The following KCND3 variants were observed in gnomAD, a reference collection of about 807,000 sequenced individuals.
The protein encoded by KCND3 is A-type voltage-gated potassium channel KCND3.
KCND3 carries 9 observed loss-of-function variants against 51.1 expected under a neutral mutation model. The observed-to-expected ratio is 0.18, with a 90% CI of 0.11 to 0.31. KCND3 has a LOEUF of 0.31. KCND3 is among the 10% of genes least tolerant of loss of function. KCND3 has a pLI of 1.00. For synonymous variants in KCND3, 349 were observed against 368.0 expected, an observed-to-expected ratio of 0.95 and a Z score of 0.59; for missense variants, 526 against 903.8, an observed-to-expected ratio of 0.58 and a Z score of 5.36.
At chr1:111,969,806 G>A (rs928159417) in intron 2 of KCND3, among the ~76,000 whole-genome samples, 12 of 151,978 alleles carry the variant, frequency 7.9e-5, no homozygotes, top group African/African-American at 2.4e-4. Flanking sequence ...CTATTAAATC[G>A]TCATCTCTGT....
chr1:111,967,106 C>A (rs3008539), intron 2 of KCND3, among the ~76,000 whole-genome samples: 62,940 of 147,894 alleles, frequency 0.43, 13,355 homozygotes, highest in Admixed American at 0.46. Context: ...CGCCATTGCA[C>A]TTCAGCTTGG....
chr1:111,839,769 T>A (rs1387619555), intron 2 of KCND3, among the ~76,000 whole-genome samples: 1 of 152,232 alleles, frequency 6.6e-6, no homozygotes, highest in African/African-American at 2.4e-5. Context: ...CTTGGTGAGG[T>A]TAAAGAACTT....
In KCND3 at chr1:111,780,143, C is replaced by A; in HGVS notation, c.1461+82G>T. 4.4e-6 allele frequency: 6 copies of A among 1,353,690 alleles called. No homozygotes were observed. Among genetic ancestry groups the A allele is most frequent in the Non-Finnish European group, 6.2e-6 (6 of 968,408 alleles). 83.9% of individuals were successfully genotyped at this position (1,353,690 alleles called of 1,614,324 possible). A position where few individuals can be genotyped will look rare whatever the true frequency, so the allele number is the denominator to read the frequency against. ...GAAGGGGACAGACTTTGACTTCTGG[C>A]CCAGAGTGAAGATGTGAGTACAGCC... On this transcript the variant is annotated intron_variant, in intron 5 of 7. Coordinates refer to ENST00000302127, the MANE Select transcript of KCND3 (RefSeq NM_001378969.1). The surrounding 1 kb of genome is among the most constrained non-coding windows in gnomAD (Gnocchi z 4.2).
chr1:111,855,970 C>G (rs750715398), intron 2 of KCND3, among the ~76,000 whole-genome samples: 1 of 152,166 alleles, frequency 6.6e-6, no homozygotes, highest in Non-Finnish European at 1.5e-5. Context: ...CCCAGATGAC[C>G]TGCAGGGAGG....
intron 2 of KCND3, among the ~76,000 whole-genome samples, chr1:111,951,212 T>A (rs2101906806): frequency 6.7e-6 from 1 of 149,830 alleles, no homozygotes. Flanking sequence ...AGCCTGCATT[T>A]ATTGAGCACC....
At chr1:111,882,921 G>A (rs1669400137) in intron 2 of KCND3, among the ~76,000 whole-genome samples, 1 of 152,176 alleles carries the variant, frequency 6.6e-6, no homozygotes, top group African/African-American at 2.4e-5. Context: ...CAAATAAATG[G>A]TAAAAACTAA....
intron 2 of KCND3, among the ~76,000 whole-genome samples, chr1:111,937,540 C>T (rs1425823625): frequency 6.6e-6 from 1 of 152,222 alleles, no homozygotes; most frequent in African/African-American, 2.4e-5. Flanking sequence ...CCCGACAGGC[C>T]AGGGGACTGC....
rs372197842 is a variant in KCND3, at chr1:111,898,517, G to A, written c.1106+83104C>T. Among the ~76,000 whole-genome samples, 76 of 152,210 alleles carry A rather than the reference G, an allele frequency of 5.0e-4. 1 individual carries two copies. Among genetic ancestry groups the A allele is most frequent in the African/African-American group, 1.8e-3 (73 of 41,450 alleles). ...GAGACTACAAGCTTCCTGAGGGCCAGAACTGTTCATTTGCCCCTTGGTCCC... is the reference window on the plus strand; with the variant it reads ...GAGACTACAAGCTTCCTGAGGGCCAAAACTGTTCATTTGCCCCTTGGTCCC... On this transcript the variant is annotated intron_variant, in intron 2 of 7. Transcript: ENST00000302127.
chr1:111,838,384 T>G (rs1667164735), intron 2 of KCND3, among the ~76,000 whole-genome samples: 1 of 152,134 alleles, frequency 6.6e-6, no homozygotes, highest in South Asian at 2.1e-4. Flanking sequence ...TACTGTTACT[T>G]ATAAAAAACA....
At chr1:111,794,757 G>C (rs528820324) in intron 2 of KCND3, among the ~76,000 whole-genome samples, 1 of 152,324 alleles carries the variant, frequency 6.6e-6, no homozygotes, top group African/African-American at 2.4e-5. Context: ...AGCCAGGGCT[G>C]AGTTCATCCT....
Position 111,776,002 on chromosome 1 carries a change from G to T in KCND3, c.*75C>A. ...TAGTGGGGAAAGGGGGGAGGGAGTG[G>T]TCTCAGTGACCACCCACCAACATGC... On this transcript the variant is annotated 3_prime_UTR_variant, in exon 8 of 8. Coordinates refer to ENST00000302127, the MANE Select transcript of KCND3 (RefSeq NM_001378969.1). 1.4e-6 allele frequency: 2 copies of T among 1,478,562 alleles called. No individual in the cohort carries two copies. Among genetic ancestry groups the T allele is most frequent in the Non-Finnish European group, 1.9e-6 (2 of 1,057,678 alleles). 91.6% of individuals were successfully genotyped at this position (1,478,562 alleles called of 1,614,324 possible).
In KCND3 at chr1:111,854,891, G is replaced by A. The variant is rs116430312; in HGVS notation, c.1107-67785C>T. ...TTGAAAAGGGGTGAAACAAGGCCTC[G>A]CTGTCTAGTCAGTGCCATTAGGGAA... On this transcript the variant is annotated intron_variant, in intron 2 of 7. Coordinates refer to ENST00000302127, the MANE Select transcript of KCND3 (RefSeq NM_001378969.1). Among the ~76,000 whole-genome samples, 1,510 of 152,256 alleles carry A rather than the reference G, an allele frequency of 9.9e-3. 25 individuals are homozygous for A. Among genetic ancestry groups the A allele is most frequent in the African/African-American group, 0.035 (1,440 of 41,542 alleles).
At chr1:111,890,181 T>G (rs1265596518) in intron 2 of KCND3, among the ~76,000 whole-genome samples, 2 of 152,098 alleles carry the variant, frequency 1.3e-5, no homozygotes, top group African/African-American at 4.8e-5. Context: ...AAGGGTCATG[T>G]TGGCAGTTGG....
intron 2 of KCND3, among the ~76,000 whole-genome samples, chr1:111,871,146 G>A (rs561473261): frequency 2.6e-5 from 4 of 152,350 alleles, no homozygotes; most frequent in African/African-American, 9.6e-5. Flanking sequence ...GAGGTGAGAT[G>A]AGAAAGATAG....
chr1:111,910,417 G>T (rs186866183), intron 2 of KCND3: 5 of 152,388 alleles, frequency 3.3e-5, no homozygotes, highest in Admixed American at 2.6e-4. Context: ...TTCTGATCAA[G>T]AGTGGGGAGG....
At chr1:111,783,156 G>C (rs1664456282) in intron 3 of KCND3, among the ~76,000 whole-genome samples, 1 of 132,948 alleles carries the variant, frequency 7.5e-6, no homozygotes, top group South Asian at 2.5e-4. Context: ...AACAATGTGA[G>C]AGTTAAAAGA....
chr1:111,838,787 G>C (rs141471755), intron 2 of KCND3, among the ~76,000 whole-genome samples: 4 of 152,246 alleles, frequency 2.6e-5, no homozygotes, highest in African/African-American at 9.6e-5. Flanking sequence ...GTTGACACTT[G>C]GGAAAAAGGG....
chr1:111,974,172 G>A (rs781224016), intron 2 of KCND3, among the ~76,000 whole-genome samples: 12 of 152,258 alleles, frequency 7.9e-5, no homozygotes, highest in Admixed American at 3.3e-4. Context: ...TGTTCTGGCC[G>A]GAGAAAAGCA....
At chr1:111,916,360 A>C (rs1367768686) in intron 2 of KCND3, among the ~76,000 whole-genome samples, 1 of 152,228 alleles carries the variant, frequency 6.6e-6, no homozygotes, top group Admixed American at 6.5e-5. Flanking sequence ...GAAATTAGAA[A>C]ATATTTTGAA....
Sources: allele counts gnomAD v4.1 joint callset (sites outside exome capture counted in the v4.1 genomes callset), GRCh38; gene constraint gnomAD v4.1.1; non-coding constraint Gnocchi (gnomAD v3.1); transcripts MANE v1.5; gene names NCBI Gene and HGNC (gene_info 2026-07-23, HGNC 2026-07-21).